PTPRD: variants seen among roughly 807,000 people sequenced by gnomAD.
The protein encoded by PTPRD is protein tyrosine phosphatase receptor type D.
In PTPRD, 34 loss-of-function variants were observed where a neutral mutation model predicts 214.5. The observed-to-expected ratio is 0.16, with a 90% confidence interval of 0.12 to 0.21. The LOEUF is 0.21. Among genes scored for constraint, PTPRD ranks in the 10% least tolerant of loss-of-function variants. The probability of loss-of-function intolerance (pLI) is 1.00; values close to 1 mark genes in which losing one functional copy is unlikely to be tolerated. For synonymous variants in PTPRD, 1,128 were observed against 845.7 expected, an observed-to-expected ratio of 1.33 and a Z score of -5.79; for missense variants, 2,545 against 2,398.7, an observed-to-expected ratio of 1.06 and a Z score of -1.27.
chr9:9,785,434 G>A lies in PTPRD; in HGVS notation c.-367-18583C>T, dbSNP rs142064328. On this transcript the variant is annotated intron_variant, in intron 5 of 45. Transcript: ENST00000381196. ...TCATTATCATGTACCTTGATATGAT[G>A]TACTGAAAAGGACACAACATAGTTT... Among the ~76,000 whole-genome samples, 4 of 152,128 alleles carry A rather than the reference G, an allele frequency of 2.6e-5. No individual in the cohort carries two copies. The East Asian group carries it at 7.7e-4, about 29-fold the overall frequency.
intron 9 of PTPRD, among the ~76,000 whole-genome samples, chr9:9,302,162 AG>A (rs1955552578): frequency 6.6e-6 from 1 of 152,126 alleles, no homozygotes; most frequent in Non-Finnish European, 1.5e-5. Context: ...TGAGATAAAA[AG>A]CTTTCATCAC....
intron 8 of PTPRD, among the ~76,000 whole-genome samples, chr9:9,450,348 T>C (rs888853821): frequency 6.6e-6 from 1 of 151,942 alleles, no homozygotes; most frequent in Non-Finnish European, 1.5e-5. Flanking sequence ...TCCACACTGT[T>C]TTCCACAGTG....
rs1203459359 is a variant in PTPRD, at chr9:8,934,419, G to A, written c.-104+84278C>T. Among the ~76,000 whole-genome samples, 148 of 31,382 alleles carry A rather than the reference G, an allele frequency of 4.7e-3. 6 individuals are homozygous for A. Among genetic ancestry groups the A allele is most frequent in the East Asian group, 0.018 (16 of 890 alleles). 20.6% of individuals were successfully genotyped at this position (31,382 alleles called of 152,430 possible). A position where few individuals can be genotyped will look rare whatever the true frequency, so the allele number is the denominator to read the frequency against. ...TGTGTGTGTGTGTGTGTGTGTGTGT[G>A]TGTATATATATATATAAATATATAT... is the stretch of plus-strand genomic sequence containing the variant. On this transcript the variant is annotated intron_variant, in intron 11 of 45. Coordinates refer to ENST00000381196, the MANE Select transcript of PTPRD (RefSeq NM_002839.4).
At chr9:8,488,772 C>A (rs2097090100) in intron 27 of PTPRD, among the ~76,000 whole-genome samples, 1 of 152,098 alleles carries the variant, frequency 6.6e-6, no homozygotes, top group Non-Finnish European at 1.5e-5. Flanking sequence ...GTGATGGTGT[C>A]AAGGATTAAA....
At chr9:9,251,037 G>A (rs999171242) in intron 9 of PTPRD, among the ~76,000 whole-genome samples, 3 of 151,794 alleles carry the variant, frequency 2.0e-5, no homozygotes, top group Non-Finnish European at 2.9e-5. Context: ...CACCATGTTC[G>A]CACACCTCTG....
chr9:10,260,018 G>T (rs943825304), intron 3 of PTPRD, among the ~76,000 whole-genome samples: 1 of 152,072 alleles, frequency 6.6e-6, no homozygotes, highest in Non-Finnish European at 1.5e-5. Flanking sequence ...CTCTGCCTCC[G>T]GCTAGTCCTT....
intron 3 of PTPRD, among the ~76,000 whole-genome samples, chr9:10,085,226 G>T (rs2098314006): frequency 6.6e-6 from 1 of 151,642 alleles, no homozygotes; most frequent in African/African-American, 2.4e-5. Context: ...TACCAATTTT[G>T]ACAACACGCC....
intron 9 of PTPRD, among the ~76,000 whole-genome samples, chr9:9,230,196 T>G (rs1431210428): frequency 6.6e-6 from 1 of 152,116 alleles, no homozygotes; most frequent in Non-Finnish European, 1.5e-5. Context: ...GGTGCAGGCC[T>G]AGATAACTTC....
intron 39 of PTPRD, among the ~76,000 whole-genome samples, chr9:8,358,713 A>C (rs1265987383): frequency 6.6e-6 from 1 of 152,150 alleles, no homozygotes; most frequent in African/African-American, 2.4e-5. Context: ...CACAGAGTAG[A>C]TATGCAACCT....
chr9:8,433,832 T>C (rs2095216997), intron 35 of PTPRD, among the ~76,000 whole-genome samples: 1 of 152,140 alleles, frequency 6.6e-6, no homozygotes, highest in Non-Finnish European at 1.5e-5. Context: ...TGGTATAGCT[T>C]AAGTTTATAG....
intron 11 of PTPRD, among the ~76,000 whole-genome samples, chr9:8,919,177 G>C (rs935527131): frequency 2.0e-5 from 3 of 152,062 alleles, no homozygotes; most frequent in African/African-American, 7.2e-5. Flanking sequence ...TGGATCACCC[G>C]AGGTCAGGAG....
At chr9:8,669,881 G>C (rs76195437) in intron 12 of PTPRD, among the ~76,000 whole-genome samples, 1 of 152,008 alleles carries the variant, frequency 6.6e-6, no homozygotes, top group African/African-American at 2.4e-5. Flanking sequence ...AGGAGGAGTG[G>C]GAAGTTAATC....
intron 2 of PTPRD, among the ~76,000 whole-genome samples, chr9:10,564,795 T>G (rs771159829): frequency 6.6e-6 from 1 of 152,198 alleles, no homozygotes; most frequent in Non-Finnish European, 1.5e-5. Flanking sequence ...TAGAATAGTT[T>G]TCCTTTTAAT....
intron 2 of PTPRD, among the ~76,000 whole-genome samples, chr9:10,492,200 T>A (rs2040515766): frequency 3.3e-5 from 5 of 152,334 alleles, no homozygotes; most frequent in Admixed American, 3.3e-4. Context: ...TATAGTAGAA[T>A]AATTTATAAT....
intron 2 of PTPRD, among the ~76,000 whole-genome samples, chr9:10,478,075 C>G (rs1315966925): frequency 6.6e-6 from 1 of 151,730 alleles, no homozygotes; most frequent in Non-Finnish European, 1.5e-5. Flanking sequence ...CAGGAAACCA[C>G]CATGGTACAT....
intron 8 of PTPRD, among the ~76,000 whole-genome samples, chr9:9,428,486 C>T (rs887190258): frequency 6.6e-6 from 1 of 152,156 alleles, no homozygotes; most frequent in African/African-American, 2.4e-5. Context: ...CAACATTAGA[C>T]AGATCAATGA....
At chr9:9,387,256 A>G (rs944426170) in intron 9 of PTPRD, among the ~76,000 whole-genome samples, 2 of 152,198 alleles carry the variant, frequency 1.3e-5, no homozygotes, top group African/African-American at 4.8e-5. Context: ...GGCAAAGACT[A>G]TTTTAATAAT....
chr9:8,726,263 G>A (rs906911744), intron 12 of PTPRD, among the ~76,000 whole-genome samples: 10 of 151,828 alleles, frequency 6.6e-5, no homozygotes, highest in South Asian at 2.1e-4. Flanking sequence ...AGGAGGGGAT[G>A]GGGCTCCCAA....
chr9:9,400,482 A>T (rs919463949), intron 8 of PTPRD, among the ~76,000 whole-genome samples: 7 of 151,976 alleles, frequency 4.6e-5, no homozygotes, highest in African/African-American at 1.7e-4. Context: ...ATGACGTATA[A>T]TTGTTAACTG....
Sources: allele counts gnomAD v4.1 joint callset (sites outside exome capture counted in the v4.1 genomes callset), GRCh38; gene constraint gnomAD v4.1.1; transcripts MANE v1.5; gene names NCBI Gene and HGNC (gene_info 2026-07-23, HGNC 2026-07-21).